Variants in NEBL observed in about 807,000 individuals in gnomAD.
NEBL encodes LIM and SH3 protein 2.
Under a neutral mutation model 140.2 loss-of-function variants are expected in NEBL, and 122 were observed. The ratio of observed to expected loss-of-function variants is 0.87; its 90% CI spans 0.75 to 1.01. NEBL has a LOEUF of 1.01. Among genes scored for constraint, NEBL ranks in the 50% least tolerant of loss-of-function variants. The pLI is 0.00. For missense variants in NEBL, 1,365 were observed against 1,231.3 expected (o/e 1.11, Z -1.62); for synonymous variants, 436 against 398.9 (o/e 1.09, Z -1.11).
At chr10:20,808,017 T>C (rs1323504173) in intron 26 of NEBL, among the ~76,000 whole-genome samples, 1 of 151,902 alleles carries the variant, frequency 6.6e-6, no homozygotes, top group Non-Finnish European at 1.5e-5. Context: ...TCCCAAGTAT[T>C]ATGCCCAATT....
rs371760760 is a variant in NEBL, at chr10:20,830,912, T to TAAAAAAA, written c.1671+277_1671+283dup. Among the ~76,000 whole-genome samples, 18 of 92,356 alleles carry TAAAAAAA rather than the reference T, an allele frequency of 1.9e-4. No individual in the cohort carries two copies. In the East Asian group the frequency reaches 4.6e-3, roughly 24 times the overall value. 60.6% of individuals were successfully genotyped at this position (92,356 alleles called of 152,430 possible). On this transcript the variant is annotated intron_variant, in intron 16 of 27. Coordinates refer to ENST00000377122, the MANE Select transcript of NEBL (RefSeq NM_006393.3). Reference sequence around the variant, plus strand: ...GAGTGAGACCTCCATCTCTAAAATTTAAAAAAAAAAAAAAAAAAAAAAAGG... The same window carrying TAAAAAAA: ...GAGTGAGACCTCCATCTCTAAAATTTAAAAAAAAAAAAAAAAAAAAAAAAAAAAAAGG...
intron 3 of NEBL, among the ~76,000 whole-genome samples, chr10:21,220,216 T>C (rs938744909): frequency 2.0e-5 from 3 of 152,302 alleles, no homozygotes; most frequent in East Asian, 3.9e-4. Context: ...CCCGGCGTGA[T>C]TTTTGTATGT....
chr10:20,808,753 A>G (rs1445884901), intron 25 of NEBL, 94 bp from the exon 26 acceptor site: 1 of 1,324,248 alleles, frequency 7.6e-7, no homozygotes, highest in Non-Finnish European at 1.1e-6. Context: ...GAGAAGAAAA[A>G]CCATCTCTTA....
intron 3 of NEBL, among the ~76,000 whole-genome samples, chr10:21,012,368 T>G (rs1202392702): frequency 6.6e-6 from 1 of 152,044 alleles, no homozygotes; most frequent in African/African-American, 2.4e-5. Context: ...ATTTATTTAT[T>G]TTAATTTTAG....
intron 4 of NEBL, among the ~76,000 whole-genome samples, chr10:20,921,274 A>G (rs558476965): frequency 7.9e-5 from 12 of 152,296 alleles, no homozygotes; most frequent in South Asian, 6.2e-4. Context: ...CTACCTGAGT[A>G]TTCTCCATTT....
chr10:21,239,905 A>G (rs962591965), intron 3 of NEBL, among the ~76,000 whole-genome samples: 1 of 151,510 alleles, frequency 6.6e-6, no homozygotes, highest in Non-Finnish European at 1.5e-5. Flanking sequence ...AGTCCCAGCT[A>G]CTCTGGAGGC....
intron 3 of NEBL, among the ~76,000 whole-genome samples, chr10:21,201,186 G>T (rs982088634): frequency 6.6e-6 from 1 of 152,170 alleles, no homozygotes; most frequent in African/African-American, 2.4e-5. Flanking sequence ...AGACAGAAAT[G>T]GTTATTACTT....
intron 10 of NEBL, among the ~76,000 whole-genome samples, chr10:20,851,061 T>C (rs1053209129): frequency 1.9e-4 from 29 of 152,348 alleles, no homozygotes; most frequent in African/African-American, 5.8e-4. Flanking sequence ...TATCATATTA[T>C]GAAATGTTTA....
intron 4 of NEBL, among the ~76,000 whole-genome samples, chr10:20,942,398 G>A (rs1834921051): frequency 6.6e-6 from 1 of 152,180 alleles, no homozygotes; most frequent in Admixed American, 6.5e-5. Context: ...GTACAAAGCT[G>A]AAACTGGATC....
intron 3 of NEBL, among the ~76,000 whole-genome samples, chr10:21,191,713 TG>T (rs1841577691): frequency 6.6e-6 from 1 of 152,240 alleles, no homozygotes; most frequent in South Asian, 2.1e-4. Context: ...ATAACAATAT[TG>T]TTGCTTTTAG....
chr10:21,255,411 C>T (rs2132275808), intron 1 of NEBL, among the ~76,000 whole-genome samples: 1 of 152,170 alleles, frequency 6.6e-6, no homozygotes, highest in East Asian at 1.9e-4. Flanking sequence ...TAATAAAGAC[C>T]TACTAAAAAT....
chr10:20,978,742 G>A (rs1238416077), intron 3 of NEBL, among the ~76,000 whole-genome samples: 2 of 147,692 alleles, frequency 1.4e-5, no homozygotes, highest in African/African-American at 2.6e-5. Flanking sequence ...AAGCCAGAGC[G>A]AGACCCTATC....
chr10:21,290,408 G>T (rs980654885), intron 1 of NEBL, among the ~76,000 whole-genome samples: 3 of 152,074 alleles, frequency 2.0e-5, no homozygotes, highest in Admixed American at 6.6e-5. Context: ...TCCAACCCCT[G>T]CCCCTACAAG....
chr10:20,794,190 G>A (rs1836279145), intron 26 of NEBL, among the ~76,000 whole-genome samples: 1 of 152,216 alleles, frequency 6.6e-6, no homozygotes, highest in African/African-American at 2.4e-5. Flanking sequence ...TTGGGGTGGA[G>A]CAGAGCAGGA....
intron 4 of NEBL, among the ~76,000 whole-genome samples, chr10:20,924,840 C>T (rs1373206105): frequency 1.3e-5 from 2 of 151,900 alleles, no homozygotes; most frequent in African/African-American, 2.4e-5. Context: ...AACCATAATC[C>T]GGCTGGCGCT....
At chr10:20,940,582 G>A (rs1006841020) in intron 4 of NEBL, among the ~76,000 whole-genome samples, 1 of 142,196 alleles carries the variant, frequency 7.0e-6, no homozygotes, top group Non-Finnish European at 1.5e-5. Flanking sequence ...AAATAACTAA[G>A]ATCAGAGTAG....
chr10:20,860,651 C>T (rs1843612106), intron 7 of NEBL, among the ~76,000 whole-genome samples: 1 of 145,174 alleles, frequency 6.9e-6, no homozygotes. Flanking sequence ...GTATTGATTT[C>T]ACAGGTCAAA....
intron 2 of NEBL, among the ~76,000 whole-genome samples, chr10:21,074,631 C>T (rs1373599200): frequency 1.3e-5 from 2 of 151,790 alleles, no homozygotes; most frequent in Non-Finnish European, 2.9e-5. Flanking sequence ...GTGCACACCA[C>T]CAAGCTCGGC....
At chr10:21,202,699 T>C (rs1018016559) in intron 3 of NEBL, among the ~76,000 whole-genome samples, 3 of 151,942 alleles carry the variant, frequency 2.0e-5, no homozygotes, top group Non-Finnish European at 4.4e-5. Context: ...CCTGACCTCG[T>C]GATCGCCCGT....
Sources: gnomAD v4.1 joint callset for allele counts (sites outside exome capture counted in the v4.1 genomes callset) on GRCh38, gnomAD v4.1.1 for gene constraint, MANE v1.5 for transcripts, NCBI Gene and HGNC (gene_info 2026-07-23, HGNC 2026-07-21) for gene names.